Variants in PDLIM3 observed in about 807,000 individuals in gnomAD.
PDLIM3 encodes the protein PDZ and LIM domain 3.
Under a neutral mutation model 37.3 loss-of-function variants are expected in PDLIM3, and 36 were observed. The ratio of observed to expected loss-of-function variants is 0.97; its 90% CI spans 0.74 to 1.28. The LOEUF is 1.28. Ranked by LOEUF, PDLIM3 falls within the 50% of genes most tolerant of loss-of-function variation. The pLI, the probability that PDLIM3 is intolerant of heterozygous loss-of-function variation, is 0.00. For synonymous variants in PDLIM3, 174 were observed against 182.4 expected, an observed-to-expected ratio of 0.95 and a Z score of 0.37; for missense variants, 454 against 485.0, an observed-to-expected ratio of 0.94 and a Z score of 0.60.
intron 1 of PDLIM3, among the ~76,000 whole-genome samples, chr4:185,532,740 G>A (rs915304146): frequency 4.6e-5 from 7 of 152,222 alleles, no homozygotes; most frequent in African/African-American, 1.4e-4. Context: ...TGATGCCGCT[G>A]AAGGATTTTT....
chr4:185,523,622 C>T (rs117538673), intron 2 of PDLIM3, among the ~76,000 whole-genome samples, 176 bp from the exon 3 acceptor site: 2 of 150,432 alleles, frequency 1.3e-5, no homozygotes, highest in East Asian at 1.9e-4. Flanking sequence ...TCTTCCCCCC[C>T]CCTTTTTTTT....
chr4:185,514,895 A>T lies in PDLIM3; in HGVS notation c.331-558T>A. 1 of 1,547,740 alleles carries T rather than the reference A, an allele frequency of 6.5e-7. No individual in the cohort carries two copies. Among genetic ancestry groups the T allele is most frequent in the South Asian group, 1.2e-5 (1 of 83,622 alleles). On this transcript the variant is annotated intron_variant, in intron 3 of 7. Coordinates refer to ENST00000284767, the MANE Select transcript of PDLIM3 (RefSeq NM_014476.6). This position sits in a 1 kb window ranked among gnomAD's most constrained non-coding sequence, Gnocchi z 4.0. ...GGTACCAATGGGTTTGAATTCCTGT[A>T]CAATGGCAGACAAAATACACAGCCA...
chr4:185,510,178 T>G (rs941381124), intron 4 of PDLIM3, among the ~76,000 whole-genome samples: 1 of 152,156 alleles, frequency 6.6e-6, no homozygotes, highest in South Asian at 2.1e-4. Context: ...TTAGTCAGGA[T>G]CATGTGGATT....
intron 1 of PDLIM3, among the ~76,000 whole-genome samples, chr4:185,528,857 C>T (rs898840659): frequency 2.6e-5 from 4 of 152,282 alleles, no homozygotes; most frequent in South Asian, 2.1e-4. Flanking sequence ...AAAATGACTG[C>T]GAAATTGGCC....
chr4:185,515,996 G>T (rs1336921096), intron 3 of PDLIM3: 2 of 152,116 alleles, frequency 1.3e-5, no homozygotes, highest in African/African-American at 4.8e-5. Context: ...CGCCTCCCCG[G>T]TTCAGGTGAT....
intron 4 of PDLIM3, chr4:185,512,574 C>T (rs532703467): frequency 2.8e-5 from 21 of 756,804 alleles, no homozygotes; most frequent in African/African-American, 1.9e-4. Flanking sequence ...TGATTATATA[C>T]CTAGGATTCT....
chr4:185,509,502 A>T (rs565572127), intron 4 of PDLIM3, among the ~76,000 whole-genome samples: 1 of 152,194 alleles, frequency 6.6e-6, no homozygotes, highest in African/African-American at 2.4e-5. Context: ...GAGATTGTAC[A>T]TTCTATTTGG....
intron 1 of PDLIM3, among the ~76,000 whole-genome samples, chr4:185,534,898 G>A (rs2095750784): frequency 6.6e-6 from 1 of 152,242 alleles, no homozygotes; most frequent in African/African-American, 2.4e-5. Context: ...GCTCAGATGC[G>A]CGCCAGCTCC....
rs184255989 is a variant in PDLIM3 at position 185,521,515 on chromosome 4, G to A, written c.330+1847C>T. Among the ~76,000 whole-genome samples the A allele has an allele frequency of 9.1e-3, 572 of 62,686 alleles. 112 individuals carry two copies. The highest frequency in any genetic ancestry group is 0.015 in the African/African-American group (530 of 35,046). 41.1% of individuals were successfully genotyped at this position (62,686 alleles called of 152,430 possible). A position where few individuals can be genotyped will look rare whatever the true frequency, so the allele number is the denominator to read the frequency against. The stretch of plus-strand genomic sequence containing the variant: ...GGGCTCAAGCACTCCTCCCACCTCA[G>A]CCTTCTGTGTAGCTGGGACTTACAG... On this transcript the variant is annotated intron_variant, in intron 3 of 7. Transcript: ENST00000284767.
At chr4:185,523,100 A>G (rs1472032963) in intron 3 of PDLIM3, 1 of 302,380 alleles carries the variant, frequency 3.3e-6, no homozygotes, top group East Asian at 5.9e-5. Context: ...TGAAAAAATA[A>G]TAAGTGGACT....
rs143444988 is a variant in PDLIM3, at chr4:185,528,020, C to T, written c.94-2849G>A. On this transcript the variant is annotated intron_variant, in intron 1 of 7. Coordinates refer to ENST00000284767, the MANE Select transcript of PDLIM3 (RefSeq NM_014476.6). ...AGAGAGCTATGATTGCACCACTGCACGCCAGCCTGGGCAACAGAGGTAGAC... is the reference window on the plus strand; with the variant it reads ...AGAGAGCTATGATTGCACCACTGCATGCCAGCCTGGGCAACAGAGGTAGAC... 9.6e-3 allele frequency among the ~76,000 whole-genome samples: 1,454 copies of T among 152,184 alleles called. 19 individuals carry two copies. The highest frequency in any genetic ancestry group is 0.034 in the African/African-American group (1,397 of 41,522).
Position 185,514,921 on chromosome 4 carries a change from C to A in PDLIM3, c.331-584G>T. ...CAATGGCAGACAAAATACACAGCCACACAGCGCACAAGAAAGCCATTAGTG... is the reference window on the plus strand; with the variant it reads ...CAATGGCAGACAAAATACACAGCCAAACAGCGCACAAGAAAGCCATTAGTG... On this transcript the variant is annotated intron_variant, in intron 3 of 7. Transcript: ENST00000284767. This position sits in a 1 kb window ranked among gnomAD's most constrained non-coding sequence, Gnocchi z 4.0. 6.5e-7 allele frequency: 1 copy of A among 1,529,858 alleles called. No individual in the cohort carries two copies. Among genetic ancestry groups the A allele is most frequent in the Non-Finnish European group, 8.8e-7 (1 of 1,133,570 alleles). 94.8% of individuals were successfully genotyped at this position (1,529,858 alleles called of 1,614,324 possible).
At chr4:185,529,384 G>A (rs771655911) in intron 1 of PDLIM3, among the ~76,000 whole-genome samples, 3 of 152,304 alleles carry the variant, frequency 2.0e-5, no homozygotes, top group Middle Eastern at 3.4e-3. Flanking sequence ...ATGTGGAGAC[G>A]TAAGGCAAGC....
chr4:185,510,372 T>A (rs2095704591), intron 4 of PDLIM3, among the ~76,000 whole-genome samples: 1 of 152,148 alleles, frequency 6.6e-6, no homozygotes, highest in Non-Finnish European at 1.5e-5. Context: ...ATTTAGAACT[T>A]TTACTTATGC....
Position 185,514,097 on chromosome 4 carries a change from A to G in PDLIM3, c.398+173T>C. On this transcript the variant is annotated intron_variant, in intron 4 of 7. Transcript: ENST00000284767. This position sits in a 1 kb window ranked among gnomAD's most constrained non-coding sequence, Gnocchi z 4.0. ...TGTCAATATTTACTCTTGGAAATGC[A>G]AGTTATTTGGCTTCTGTTCTCTGCC... 6.7e-7 allele frequency: 1 copy of G among 1,502,660 alleles called. No homozygotes were observed. Among genetic ancestry groups the G allele is most frequent in the Non-Finnish European group, 8.9e-7 (1 of 1,129,684 alleles). 93.1% of individuals were successfully genotyped at this position (1,502,660 alleles called of 1,614,324 possible). A position where few individuals can be genotyped will look rare whatever the true frequency, so the allele number is the denominator to read the frequency against.
At chr4:185,517,768 T>G (rs1196236619) in intron 3 of PDLIM3, 1 of 151,964 alleles carries the variant, frequency 6.6e-6, no homozygotes, top group African/African-American at 2.4e-5. Context: ...TTATTTAGGC[T>G]TTGCAAAGCA....
At position 185,512,550 on chromosome 4, in the gene PDLIM3, A is replaced by AT. The variant is rs544454098; in HGVS notation, c.398+1719dup. The AT allele has an allele frequency of 1.0e-3, 514 of 514,528 alleles. 1 individual carries two copies. The highest frequency in any genetic ancestry group is 1.3e-3 in the South Asian group (15 of 11,816). The allele number at this position is 514,528 out of a possible 1,614,324, so 31.9% of individuals were successfully genotyped here. A position where few individuals can be genotyped will look rare whatever the true frequency, so the allele number is the denominator to read the frequency against. On this transcript the variant is annotated intron_variant, in intron 4 of 7. Transcript: ENST00000284767. ...CCCTATGTTTAAGTTAAAATGAAAAATTTTTTTAAAAGGTGATTATATACC... is the reference window on the plus strand; with the variant it reads ...CCCTATGTTTAAGTTAAAATGAAAAATTTTTTTTAAAAGGTGATTATATACC...
chr4:185,533,709 C>G (rs1580272724), intron 1 of PDLIM3, among the ~76,000 whole-genome samples: 1 of 152,158 alleles, frequency 6.6e-6, no homozygotes, highest in Non-Finnish European at 1.5e-5. Context: ...TAGTCCAACT[C>G]TGGAATGTAA....
rs1387893309 is a variant in PDLIM3, at chr4:185,514,663, T to C, written c.331-326A>G. On this transcript the variant is annotated intron_variant, in intron 3 of 7. Coordinates refer to ENST00000284767, the MANE Select transcript of PDLIM3 (RefSeq NM_014476.6). This position sits in a 1 kb window ranked among gnomAD's most constrained non-coding sequence, Gnocchi z 4.0. ...AAAAGAAAAGAAACCATGCTATCAC[T>C]GTTAGGTACACTGTGGCCAGAACAG... The C allele has an allele frequency of 2.0e-6, 3 of 1,515,096 alleles. No homozygotes were observed. Among genetic ancestry groups the C allele is most frequent in the African/African-American group, 1.4e-5 (1 of 71,522 alleles). The allele number at this position is 1,515,096 out of a possible 1,614,324, so 93.9% of individuals were successfully genotyped here.
Sources: allele counts gnomAD v4.1 joint callset (sites outside exome capture counted in the v4.1 genomes callset), GRCh38; gene constraint gnomAD v4.1.1; non-coding constraint Gnocchi (gnomAD v3.1); transcripts MANE v1.5; gene names NCBI Gene and HGNC (gene_info 2026-07-23, HGNC 2026-07-21).